The following TNIK variants were observed in gnomAD, a reference collection of about 807,000 sequenced individuals.
The protein encoded by TNIK is TRAF2 and NCK interacting kinase.
In TNIK, 49 loss-of-function variants were observed where a neutral mutation model predicts 191.3. That is an observed-to-expected ratio of 0.26 (90% CI 0.20 to 0.32). The LOEUF is 0.32. TNIK is among the 10% of genes least tolerant of loss of function. The pLI, the probability that TNIK is intolerant of heterozygous loss-of-function variation, is 1.00. For synonymous variants in TNIK, 594 were observed against 600.9 expected (o/e 0.99, Z 0.17); for missense variants, 1,155 against 1,702.3 (o/e 0.68, Z 5.66).
intron 1 of TNIK, among the ~76,000 whole-genome samples, chr3:171,412,758 T>C (rs1433428268): frequency 6.6e-6 from 1 of 152,260 alleles, no homozygotes; most frequent in East Asian, 1.9e-4. Flanking sequence ...CTTTAGTTTC[T>C]AAACTTTCTG....
Position 171,277,087 on chromosome 3 carries a change from G to T in TNIK, c.124-48866C>A, listed in dbSNP as rs1054750371. On this transcript the variant is annotated intron_variant, in intron 2 of 32. Coordinates refer to ENST00000436636, the MANE Select transcript of TNIK (RefSeq NM_015028.4). Reference sequence around the variant, plus strand: ...ATGAATTAAAGTGATTATTTCAGGGGTGGGTGACACAGGATAAACGTGGCC... The same window carrying T: ...ATGAATTAAAGTGATTATTTCAGGGTTGGGTGACACAGGATAAACGTGGCC... Among the ~76,000 whole-genome samples the T allele has an allele frequency of 3.9e-5, 6 of 152,264 alleles. No individual in the cohort carries two copies. In the East Asian group the frequency reaches 9.7e-4, roughly 25 times the overall value.
chr3:171,190,573 C>A, intron 6 of TNIK, 124 bp downstream of exon 6: 1 of 689,332 alleles, frequency 1.5e-6, no homozygotes, highest in South Asian at 2.6e-5. Context: ...AAACATTTTC[C>A]TTTCCATTTT....
chr3:171,156,222 T>C (rs1207573363), intron 12 of TNIK, among the ~76,000 whole-genome samples: 1 of 152,162 alleles, frequency 6.6e-6, no homozygotes, highest in Non-Finnish European at 1.5e-5. Flanking sequence ...TTGTAACCAT[T>C]GGGTATTATT....
chr3:171,373,160 G>A (rs779634496), intron 1 of TNIK, among the ~76,000 whole-genome samples: 4 of 152,114 alleles, frequency 2.6e-5, no homozygotes, highest in Non-Finnish European at 5.9e-5. Context: ...CCATTCTAGA[G>A]TACCTCTAAA....
At chr3:171,066,812 A>T in intron 30 of TNIK, 77 bp from the exon 31 acceptor site, 1 of 1,486,250 alleles carries the variant, frequency 6.7e-7, no homozygotes. Context: ...AACAACTGCA[A>T]AAAAGAGGTT....
chr3:171,200,760 A>G (rs1328086149), intron 4 of TNIK, among the ~76,000 whole-genome samples: 1 of 152,206 alleles, frequency 6.6e-6, no homozygotes, highest in East Asian at 1.9e-4. Flanking sequence ...GAATTTTAAA[A>G]GATTTAGTCT....
At chr3:171,075,663 C>T (rs79386378) in intron 28 of TNIK, among the ~76,000 whole-genome samples, 1,635 of 151,926 alleles carry the variant, frequency 0.011, 37 homozygotes, top group African/African-American at 0.037. Flanking sequence ...TGCTAAGTGC[C>T]GGTGAGATGT....
intron 17 of TNIK, 120 bp downstream of exon 17, chr3:171,125,790 CAT>C: frequency 1.4e-6 from 2 of 1,427,642 alleles, no homozygotes; most frequent in Non-Finnish European, 1.9e-6. Context: ...CCAAAACAAA[CAT>C]GAGAAGGGGA....
chr3:171,376,414 T>C (rs1166321247), intron 1 of TNIK, among the ~76,000 whole-genome samples: 2 of 152,134 alleles, frequency 1.3e-5, no homozygotes, highest in Non-Finnish European at 2.9e-5. Flanking sequence ...ATTTATTTAA[T>C]CCCTGACTGC....
At chr3:171,269,242 A>G (rs1428262493) in intron 2 of TNIK, among the ~76,000 whole-genome samples, 2 of 124,438 alleles carry the variant, frequency 1.6e-5, no homozygotes, top group African/African-American at 3.0e-5. Context: ...GCAGGCATGC[A>G]TATTAAACAC....
chr3:171,117,468 AG>A (rs1392478190), intron 18 of TNIK, among the ~76,000 whole-genome samples: 1 of 152,232 alleles, frequency 6.6e-6, no homozygotes, highest in Non-Finnish European at 1.5e-5. Flanking sequence ...AACACCTCAC[AG>A]AGTTGTTACA....
intron 2 of TNIK, among the ~76,000 whole-genome samples, chr3:171,230,292 A>G (rs1025987010): frequency 3.3e-5 from 5 of 152,184 alleles, no homozygotes; most frequent in Non-Finnish European, 7.4e-5. Context: ...CAGCTTTGTA[A>G]CCAACAGTGG....
intron 4 of TNIK, among the ~76,000 whole-genome samples, chr3:171,210,224 G>T (rs545824157): frequency 6.6e-6 from 1 of 152,330 alleles, no homozygotes; most frequent in South Asian, 2.1e-4. Context: ...AAGAAAAGTA[G>T]ATCAACACAT....
At chr3:171,151,670 C>A (rs1211940945) in intron 12 of TNIK, among the ~76,000 whole-genome samples, 1 of 152,112 alleles carries the variant, frequency 6.6e-6, no homozygotes, top group South Asian at 2.1e-4. Context: ...GGGATTTGAC[C>A]CCTGGCAGTC....
In TNIK at chr3:171,312,140, AAG is replaced by A. The variant is rs1372875702; in HGVS notation, c.123+57478_123+57479del. On this transcript the variant is annotated intron_variant, in intron 2 of 32. Transcript: ENST00000436636. ...AAAAAAAAAAAAAAAAAAAAAAAAA[AAG>A]GGCTAGACTGGCATATCTGATTTTA... Among the ~76,000 whole-genome samples the A allele has an allele frequency of 8.5e-5, 10 of 118,016 alleles. 3 individuals are homozygous for A. The highest frequency in any genetic ancestry group is 1.0e-4 in the African/African-American group (3 of 29,462). The allele number at this position is 118,016 out of a possible 152,430, so 77.4% of individuals were successfully genotyped here.
intron 7 of TNIK, among the ~76,000 whole-genome samples, chr3:171,184,235 A>C (rs1387794614): frequency 6.6e-6 from 1 of 152,134 alleles, no homozygotes; most frequent in Non-Finnish European, 1.5e-5. Flanking sequence ...ATTATGTTAT[A>C]TATTTATATA....
At chr3:171,447,813 A>G (rs1204630712) in intron 1 of TNIK, among the ~76,000 whole-genome samples, 10 of 152,224 alleles carry the variant, frequency 6.6e-5, no homozygotes, top group Admixed American at 6.5e-4. Flanking sequence ...AGCACTATTT[A>G]TCAGTTGGAA....
At chr3:171,203,443 A>G (rs773520729) in intron 4 of TNIK, among the ~76,000 whole-genome samples, 2 of 152,182 alleles carry the variant, frequency 1.3e-5, no homozygotes, top group Non-Finnish European at 2.9e-5. Flanking sequence ...TCTGGTGCAA[A>G]TTTGATATGT....
At chr3:171,152,026 A>G (rs1193734312) in intron 12 of TNIK, among the ~76,000 whole-genome samples, 1 of 152,164 alleles carries the variant, frequency 6.6e-6, no homozygotes, top group Non-Finnish European at 1.5e-5. Context: ...CACACCTGTA[A>G]TCCCAGCACT....
Sources: allele counts gnomAD v4.1 joint callset (sites outside exome capture counted in the v4.1 genomes callset), GRCh38; gene constraint gnomAD v4.1.1; transcripts MANE v1.5; gene names NCBI Gene and HGNC (gene_info 2026-07-23, HGNC 2026-07-21).